TMEM132D: variants seen among roughly 807,000 people sequenced by gnomAD.
The protein encoded by TMEM132D is mature OL transmembrane protein.
TMEM132D carries 21 observed loss-of-function variants against 62.3 expected under a neutral mutation model. That is an observed-to-expected ratio of 0.34 (90% confidence interval 0.24 to 0.49). The LOEUF (loss-of-function observed/expected upper bound fraction) is 0.49. Ranked by LOEUF, TMEM132D falls within the 20% of genes least tolerant of loss-of-function variation. TMEM132D has a pLI of 0.99. For missense variants in TMEM132D, 1,346 were observed against 1,402.8 expected (o/e 0.96, Z 0.65); for synonymous variants, 621 against 575.6 (o/e 1.08, Z -1.13).
chr12:129,800,003 C>A (rs192192873), intron 1 of TMEM132D, among the ~76,000 whole-genome samples: 111 of 152,212 alleles, frequency 7.3e-4, no homozygotes, highest in African/African-American at 2.5e-3. Context: ...CAGGCACGTG[C>A]GTACAGTCAT....
chr12:129,364,969 CAATT>C (rs1231071345), intron 3 of TMEM132D, among the ~76,000 whole-genome samples: 4 of 152,194 alleles, frequency 2.6e-5, no homozygotes, highest in Non-Finnish European at 5.9e-5. Context: ...TCATCACTAT[CAATT>C]AATAATTCTG....
At chr12:129,881,987 T>A (rs967514186) in intron 1 of TMEM132D, among the ~76,000 whole-genome samples, 4 of 151,976 alleles carry the variant, frequency 2.6e-5, no homozygotes, top group Non-Finnish European at 5.9e-5. Flanking sequence ...AATAAAGCAA[T>A]ATCATAAACA....
intron 1 of TMEM132D, among the ~76,000 whole-genome samples, chr12:129,822,501 G>A (rs534909639): frequency 1.4e-4 from 21 of 152,298 alleles, no homozygotes; most frequent in African/African-American, 5.1e-4. Context: ...AACACCTACA[G>A]TGTCCCCTAC....
chr12:129,779,591 T>C lies in TMEM132D; in HGVS notation c.80-78893A>G, dbSNP rs1204798385. On this transcript the variant is annotated intron_variant, in intron 1 of 8. Transcript: ENST00000422113. This position sits in a 1 kb window ranked among gnomAD's most constrained non-coding sequence, Gnocchi z 4.1. ...AGCCACCACACCCGGCCCAGGTTTT[T>C]GTTATTGTTTTGGGTTTTTTTGTTT... is the stretch of plus-strand genomic sequence containing the variant. Among the ~76,000 whole-genome samples the C allele has an allele frequency of 6.6e-6, 1 of 152,148 alleles. No homozygotes were observed. The highest frequency in any genetic ancestry group is 1.5e-5 in the Non-Finnish European group (1 of 68,028).
intron 4 of TMEM132D, among the ~76,000 whole-genome samples, chr12:129,213,495 T>G (rs1006692673): frequency 7.5e-5 from 10 of 133,432 alleles, no homozygotes; most frequent in Admixed American, 7.9e-5. Context: ...AGGCCTTCTC[T>G]CAAAACAAAC....
chr12:129,878,721 C>T (rs940188279), intron 1 of TMEM132D, among the ~76,000 whole-genome samples: 1 of 152,122 alleles, frequency 6.6e-6, no homozygotes, highest in African/African-American at 2.4e-5. Flanking sequence ...GGATTACAGG[C>T]ACCTGCCCAG....
chr12:129,599,131 G>A (rs987162732), intron 2 of TMEM132D, among the ~76,000 whole-genome samples: 1 of 152,128 alleles, frequency 6.6e-6, no homozygotes, highest in East Asian at 1.9e-4. Flanking sequence ...GCACAGCTGA[G>A]AAGTAGAAAA....
intron 3 of TMEM132D, among the ~76,000 whole-genome samples, chr12:129,462,280 T>C (rs1873703609): frequency 6.6e-6 from 1 of 152,030 alleles, no homozygotes; most frequent in South Asian, 2.1e-4. Context: ...GCACACTGCA[T>C]TGGAAGAGAC....
intron 4 of TMEM132D, among the ~76,000 whole-genome samples, chr12:129,335,954 G>A (rs1869258776): frequency 6.6e-6 from 1 of 152,170 alleles, no homozygotes; most frequent in Non-Finnish European, 1.5e-5. Flanking sequence ...GAATATAGAT[G>A]TGATGGCTGG....
chr12:129,828,755 GAAAGGAGGGAGGGAGGGAGGAAGA>G (rs1566000174), intron 1 of TMEM132D, among the ~76,000 whole-genome samples: 30 of 47,908 alleles, frequency 6.3e-4, no homozygotes, highest in Non-Finnish European at 9.8e-4. Context: ...AGGGAGGGAG[GAAAGGAGGGAGGGAGGGAGGAAGA>G]AAAGGAGGGA....
At chr12:129,785,466 A>G (rs891896935) in intron 1 of TMEM132D, among the ~76,000 whole-genome samples, 1 of 152,250 alleles carries the variant, frequency 6.6e-6, no homozygotes, top group Non-Finnish European at 1.5e-5. Context: ...CGTAGCGCAC[A>G]GTACATGCTA....
intron 4 of TMEM132D, among the ~76,000 whole-genome samples, chr12:129,250,570 C>A (rs1005801268): frequency 7.2e-5 from 11 of 152,220 alleles, no homozygotes; most frequent in African/African-American, 2.4e-4. Flanking sequence ...GGATAAACAG[C>A]TGTGAGGACT....
intron 2 of TMEM132D, among the ~76,000 whole-genome samples, chr12:129,667,156 TG>T (rs1880397005): frequency 6.6e-6 from 1 of 152,220 alleles, no homozygotes; most frequent in Admixed American, 6.5e-5. Context: ...AAAACTGATC[TG>T]CTGTTTGATG....
chr12:129,268,465 C>T (rs915485205), intron 4 of TMEM132D, among the ~76,000 whole-genome samples: 3 of 152,164 alleles, frequency 2.0e-5, no homozygotes, highest in Non-Finnish European at 2.9e-5. Context: ...CAGAGAAATG[C>T]AAATGAAAAT....
At chr12:129,880,321 A>G (rs892922829) in intron 1 of TMEM132D, among the ~76,000 whole-genome samples, 12 of 152,222 alleles carry the variant, frequency 7.9e-5, no homozygotes, top group African/African-American at 2.9e-4. Context: ...GTAAAAACTG[A>G]AAATGCATAA....
chr12:129,232,891 A>G (rs1879681969), intron 4 of TMEM132D, among the ~76,000 whole-genome samples: 1 of 151,508 alleles, frequency 6.6e-6, no homozygotes, highest in African/African-American at 2.4e-5. Flanking sequence ...ATCAGATCTC[A>G]TGAGAACTCC....
At chr12:129,758,994 C>T (rs547542547) in intron 1 of TMEM132D, among the ~76,000 whole-genome samples, 27 of 150,734 alleles carry the variant, frequency 1.8e-4, no homozygotes, top group African/African-American at 4.9e-4. Context: ...AGTGCAGTGG[C>T]GCAATCTCAG....
At chr12:129,814,943 A>G (rs891814136) in intron 1 of TMEM132D, among the ~76,000 whole-genome samples, 1 of 152,158 alleles carries the variant, frequency 6.6e-6, no homozygotes, top group Admixed American at 6.6e-5. Context: ...AAGCCCCCAC[A>G]TGCCACATTC....
chr12:129,463,365 A>G (rs1424901565), intron 3 of TMEM132D, among the ~76,000 whole-genome samples: 1 of 152,000 alleles, frequency 6.6e-6, no homozygotes, highest in Non-Finnish European at 1.5e-5. Context: ...ATTCACAGGT[A>G]AGCCTATCTC....
Sources: allele counts gnomAD v4.1 joint callset (sites outside exome capture counted in the v4.1 genomes callset), GRCh38; gene constraint gnomAD v4.1.1; non-coding constraint Gnocchi (gnomAD v3.1); transcripts MANE v1.5; gene names NCBI Gene and HGNC (gene_info 2026-07-23, HGNC 2026-07-21).